The following CFAP47 variants were observed in gnomAD, a reference collection of about 807,000 sequenced individuals.
CFAP47 encodes the protein cilia and flagella associated protein 47.
In CFAP47, 29 loss-of-function variants were observed where a neutral mutation model predicts 148.1. That is an observed-to-expected ratio of 0.20 (90% CI 0.15 to 0.27). CFAP47 has a LOEUF of 0.27. Among genes scored for constraint, CFAP47 ranks in the 10% least tolerant of loss-of-function variants. The pLI, the probability that CFAP47 is intolerant of heterozygous loss-of-function variation, is 1.00. For synonymous variants in CFAP47, 664 were observed against 577.3 expected (o/e 1.15, Z -2.15); for missense variants, 1,872 against 1,697.5 (o/e 1.10, Z -1.81).
intron 27 of CFAP47, among the ~76,000 whole-genome samples, chrX:36,069,819 A>T (rs1305548035): frequency 8.9e-6 from 1 of 111,861 alleles, no homozygotes; most frequent in Non-Finnish European, 1.9e-5. Context: ...TGATCAATAA[A>T]GGTAAAATCT....
At chrX:35,954,507 A>G (rs922190376) in intron 7 of CFAP47, among the ~76,000 whole-genome samples, 1 of 111,506 alleles carries the variant, frequency 9.0e-6, no homozygotes, top group African/African-American at 3.3e-5. Flanking sequence ...TGTGATATTG[A>G]GCTACGTCTG....
intron 30 of CFAP47, among the ~76,000 whole-genome samples, chrX:36,095,657 A>G (rs1027260073): frequency 5.4e-5 from 6 of 110,656 alleles, no homozygotes; most frequent in Admixed American, 9.6e-5. Flanking sequence ...AGATTTTCCA[A>G]TTTATAGGTC....
intron 49 of CFAP47, among the ~76,000 whole-genome samples, chrX:36,258,719 C>T (rs1940783185): frequency 9.0e-6 from 1 of 111,701 alleles, no homozygotes; most frequent in Non-Finnish European, 1.9e-5. Flanking sequence ...TGGTTATGTA[C>T]CTGATACCAC....
At chrX:35,924,373 A>G (rs1336809072) in intron 1 of CFAP47, among the ~76,000 whole-genome samples, 3 of 105,001 alleles carry the variant, frequency 2.9e-5, no homozygotes, top group Admixed American at 9.8e-5. Flanking sequence ...GTATATGTGC[A>G]TATATGCACA....
At chrX:36,045,953 A>G (rs1174023548) in intron 25 of CFAP47, among the ~76,000 whole-genome samples, 1 of 112,055 alleles carries the variant, frequency 8.9e-6, no homozygotes, top group Non-Finnish European at 1.9e-5. Context: ...AACAGCATTA[A>G]TCACTTATGC....
chrX:36,316,866 G>A (rs1439965087), intron 56 of CFAP47, among the ~76,000 whole-genome samples: 1 of 111,844 alleles, frequency 8.9e-6, no homozygotes, highest in Non-Finnish European at 1.9e-5. Context: ...GCTTACTACA[G>A]CCTCCACCTC....
At chrX:35,972,006 A>G in intron 13 of CFAP47, 41 bp downstream of exon 13, 1 of 811,399 alleles carries the variant, frequency 1.2e-6, no homozygotes, top group Non-Finnish European at 1.7e-6. Flanking sequence ...TTATTTTTTT[A>G]TAAAAAAAAG....
intron 48 of CFAP47, among the ~76,000 whole-genome samples, chrX:36,248,062 T>C (rs1240870888): frequency 9.2e-6 from 1 of 109,188 alleles, no homozygotes; most frequent in African/African-American, 3.3e-5. Context: ...TTTATAAAGA[T>C]AAAAGTGTCA....
chrX:36,342,870 C>A, intron 57 of CFAP47, among the ~76,000 whole-genome samples: 1 of 110,951 alleles, frequency 9.0e-6, no homozygotes, highest in Non-Finnish European at 1.9e-5. Flanking sequence ...ATACATGTGG[C>A]GTGATGTGGT....
At chrX:36,332,367 A>G (rs1006641997) in intron 57 of CFAP47, among the ~76,000 whole-genome samples, 5 of 111,457 alleles carry the variant, frequency 4.5e-5, no homozygotes, top group African/African-American at 1.6e-4. Flanking sequence ...AAATGGATAT[A>G]AGTTGTCACG....
At chrX:36,369,354 G>A (rs782247205) in intron 62 of CFAP47, among the ~76,000 whole-genome samples, 1 of 110,782 alleles carries the variant, frequency 9.0e-6, no homozygotes, top group East Asian at 2.8e-4. Context: ...TCTCAATAGG[G>A]TATTTTCTAA....
intron 33 of CFAP47, among the ~76,000 whole-genome samples, chrX:36,130,679 G>T (rs187959386): frequency 8.0e-4 from 89 of 110,910 alleles, no homozygotes; most frequent in African/African-American, 2.6e-3. Flanking sequence ...CAACCTAAGT[G>T]TCCATCAGCA....
At chrX:36,025,117 T>C (rs759770297) in intron 22 of CFAP47, among the ~76,000 whole-genome samples, 7 of 112,012 alleles carry the variant, frequency 6.2e-5, no homozygotes, top group Admixed American at 9.5e-5. Context: ...TTCTTCCTTT[T>C]ACCTTCTTGT....
intron 2 of CFAP47, among the ~76,000 whole-genome samples, chrX:35,934,718 C>T (rs1333183879): frequency 9.0e-6 from 1 of 110,890 alleles, no homozygotes; most frequent in Non-Finnish European, 1.9e-5. Context: ...GCCCATGGCA[C>T]ACTACTTAGG....
intron 42 of CFAP47, among the ~76,000 whole-genome samples, chrX:36,191,880 G>T (rs2098317750): frequency 9.0e-6 from 1 of 110,683 alleles, no homozygotes; most frequent in Non-Finnish European, 1.9e-5. Flanking sequence ...CTACTCAGGA[G>T]GCTGAGGCAG....
chrX:36,306,895 G>A lies in CFAP47; in HGVS notation c.8187+19G>A, dbSNP rs782467732. 4 of 823,197 alleles carry A rather than the reference G, an allele frequency of 4.9e-6. No homozygotes were observed. The South Asian group carries it at 1.4e-4, about 28-fold the overall frequency. The allele number at this position is 823,197 out of a possible 1,213,427, so 67.8% of individuals were successfully genotyped here. A position where few individuals can be genotyped will look rare whatever the true frequency, so the allele number is the denominator to read the frequency against. On this transcript the variant is annotated intron_variant, in intron 55 of 63. Transcript: ENST00000378653. ...TACTCAGGTATGATAGAGTATTCTT[G>A]GACCAAACCAAGTTAATTAAATTTT...
chrX:36,189,254 C>A (rs781968373), intron 41 of CFAP47, among the ~76,000 whole-genome samples: 2 of 110,741 alleles, frequency 1.8e-5, no homozygotes, highest in Non-Finnish European at 3.8e-5. Context: ...CTCTAGCTCG[C>A]GGTCAAATGG....
intron 39 of CFAP47, among the ~76,000 whole-genome samples, chrX:36,170,203 A>G (rs1384544218): frequency 8.9e-6 from 1 of 111,954 alleles, no homozygotes; most frequent in Middle Eastern, 4.2e-3. Flanking sequence ...TGTATTTACC[A>G]GTGTTCTGAA....
intron 53 of CFAP47, among the ~76,000 whole-genome samples, chrX:36,302,727 C>G (rs1316769337): frequency 8.9e-6 from 1 of 111,861 alleles, no homozygotes; most frequent in African/African-American, 3.2e-5. Context: ...TAAATAGTCA[C>G]ATATTTTGGG....
Sources: gnomAD v4.1 joint callset for allele counts (sites outside exome capture counted in the v4.1 genomes callset) on GRCh38, gnomAD v4.1.1 for gene constraint, MANE v1.5 for transcripts, NCBI Gene and HGNC (gene_info 2026-07-23, HGNC 2026-07-21) for gene names.